GPC5: variants seen among roughly 807,000 people sequenced by gnomAD.
GPC5 encodes glypican-5.
In GPC5, 47 loss-of-function variants were observed where a neutral mutation model predicts 53.9. The ratio of observed to expected loss-of-function variants is 0.87; its 90% CI spans 0.69 to 1.11. The LOEUF is 1.11. GPC5 is among the 50% of genes most tolerant of loss of function. The probability of loss-of-function intolerance (pLI) is 0.00; values close to 1 mark genes in which losing one functional copy is unlikely to be tolerated. For synonymous variants in GPC5, 286 were observed against 263.3 expected (o/e 1.09, Z -0.84); for missense variants, 748 against 713.1 (o/e 1.05, Z -0.56).
intron 7 of GPC5, among the ~76,000 whole-genome samples, chr13:92,328,467 A>C (rs929615180): frequency 6.6e-6 from 1 of 152,214 alleles, no homozygotes; most frequent in African/African-American, 2.4e-5. Flanking sequence ...TATTAGGAAA[A>C]GTATCAATCA....
At chr13:92,246,200 G>A (rs1487094770) in intron 7 of GPC5, among the ~76,000 whole-genome samples, 2 of 151,894 alleles carry the variant, frequency 1.3e-5, no homozygotes, top group Non-Finnish European at 2.9e-5. Context: ...AAATTTAAAC[G>A]GCATCCTTCA....
At chr13:91,448,388 A>G (rs1353560884) in intron 1 of GPC5, among the ~76,000 whole-genome samples, 1 of 152,238 alleles carries the variant, frequency 6.6e-6, no homozygotes, top group East Asian at 1.9e-4. Context: ...TTTAGTCCAC[A>G]TAATTATCTA....
rs1162379399 is a variant in GPC5 at position 92,074,651 on chromosome 13, G to T, written c.1402-70179G>T. 2.0e-5 allele frequency among the ~76,000 whole-genome samples: 3 copies of T among 152,278 alleles called. No homozygotes were observed. In the East Asian group the frequency reaches 5.8e-4, roughly 29 times the overall value. On this transcript the variant is annotated intron_variant, in intron 6 of 7. Coordinates refer to ENST00000377067, the MANE Select transcript of GPC5 (RefSeq NM_004466.6). ...GTTCTTGATTTTCCTGAATTATTGA[G>T]TATCGTGAGACAATGACCCATCTTA...
At chr13:92,723,140 G>C (rs1018551946) in intron 7 of GPC5, among the ~76,000 whole-genome samples, 1 of 151,552 alleles carries the variant, frequency 6.6e-6, no homozygotes, top group Non-Finnish European at 1.5e-5. Flanking sequence ...CCTACCTTGA[G>C]AGATGACAGG....
At chr13:91,606,124 G>A (rs1486411959) in intron 2 of GPC5, among the ~76,000 whole-genome samples, 57 of 137,358 alleles carry the variant, frequency 4.1e-4, no homozygotes, top group Middle Eastern at 3.6e-3. Flanking sequence ...TTTGAAATAC[G>A]TCCCATCAAT....
At chr13:92,771,460 A>C (rs1875613230) in intron 7 of GPC5, among the ~76,000 whole-genome samples, 1 of 152,084 alleles carries the variant, frequency 6.6e-6, no homozygotes, top group Non-Finnish European at 1.5e-5. Flanking sequence ...TCTATGCCTC[A>C]GTCTCCGGAG....
At chr13:92,295,037 C>G (rs2043025042) in intron 7 of GPC5, among the ~76,000 whole-genome samples, 2 of 151,958 alleles carry the variant, frequency 1.3e-5, no homozygotes, top group Middle Eastern at 3.4e-3. Context: ...ACCATGTTGG[C>G]CAGGCTGGTC....
intron 7 of GPC5, among the ~76,000 whole-genome samples, chr13:92,622,481 G>A (rs568846066): frequency 1.2e-4 from 19 of 152,040 alleles, no homozygotes; most frequent in Non-Finnish European, 2.1e-4. Flanking sequence ...CTAGGACCTC[G>A]AATGTTGTGC....
intron 7 of GPC5, among the ~76,000 whole-genome samples, chr13:92,696,161 T>G (rs534556885): frequency 1.3e-5 from 2 of 152,320 alleles, no homozygotes; most frequent in African/African-American, 2.4e-5. Context: ...TTAACATACG[T>G]GTGCATGTGT....
rs150495987 is a variant in GPC5 at position 91,783,029 on chromosome 13, G to A, written c.1280+26609G>A. Among the ~76,000 whole-genome samples, 597 of 151,906 alleles carry A rather than the reference G, an allele frequency of 3.9e-3. 4 individuals are homozygous for A. Among genetic ancestry groups the A allele is most frequent in the Admixed American group, 7.3e-3 (112 of 15,244 alleles). On this transcript the variant is annotated intron_variant, in intron 5 of 7. Transcript: ENST00000377067. ...CTTGAATTATAAATATACAATTTCGGATCACCTGAGGTCAAGAGTTCGAGA... is the reference window on the plus strand; with the variant it reads ...CTTGAATTATAAATATACAATTTCGAATCACCTGAGGTCAAGAGTTCGAGA...
chr13:92,601,505 A>G (rs1045465233), intron 7 of GPC5, among the ~76,000 whole-genome samples: 1 of 150,538 alleles, frequency 6.6e-6, no homozygotes, highest in Non-Finnish European at 1.5e-5. Context: ...CAGGGAGCCA[A>G]TATCACACCA....
Position 92,176,638 on chromosome 13 carries a change from C to T in GPC5, c.1561+31649C>T, listed in dbSNP as rs144155922. On this transcript the variant is annotated intron_variant, in intron 7 of 7. Coordinates refer to ENST00000377067, the MANE Select transcript of GPC5 (RefSeq NM_004466.6). ...TTTAGATTTCTAAGACCTCCCTTTC[C>T]GTTTCTCTCCATCTGACCTCCAACC... 3.0e-4 allele frequency among the ~76,000 whole-genome samples: 45 copies of T among 152,248 alleles called. 1 individual carries two copies. The East Asian group carries it at 7.7e-3, about 26-fold the overall frequency.
rs530346036 is a variant in GPC5 at position 92,393,240 on chromosome 13, T to C, written c.1561+248251T>C. Among the ~76,000 whole-genome samples, 4 of 152,216 alleles carry C rather than the reference T, an allele frequency of 2.6e-5. No individual in the cohort carries two copies. In the South Asian group the frequency reaches 8.3e-4, roughly 32 times the overall value. ...AGCCATAAAAAAGAATGAGATCATG[T>C]CTTGCAGAAATATAGTTGGAGCTGG... is the stretch of plus-strand genomic sequence containing the variant. On this transcript the variant is annotated intron_variant, in intron 7 of 7. Transcript: ENST00000377067.
chr13:91,924,986 A>AT (rs1181584170), intron 6 of GPC5, among the ~76,000 whole-genome samples: 6 of 151,756 alleles, frequency 4.0e-5, no homozygotes, highest in Non-Finnish European at 8.8e-5. Flanking sequence ...CGCCCAGCTA[A>AT]TTTTTTGTAC....
chr13:92,695,889 C>T (rs1421090022), intron 7 of GPC5, among the ~76,000 whole-genome samples: 1 of 151,896 alleles, frequency 6.6e-6, no homozygotes, highest in Non-Finnish European at 1.5e-5. Flanking sequence ...GTGTGGTGTT[C>T]CCCTCCCTGT....
chr13:92,413,865 C>A (rs1037467852), intron 7 of GPC5, among the ~76,000 whole-genome samples: 1 of 152,150 alleles, frequency 6.6e-6, no homozygotes, highest in Non-Finnish European at 1.5e-5. Flanking sequence ...ACACTTAGGG[C>A]TCCTCACTTT....
intron 6 of GPC5, among the ~76,000 whole-genome samples, chr13:91,952,390 C>A (rs2040035331): frequency 6.6e-6 from 1 of 152,176 alleles, no homozygotes; most frequent in Non-Finnish European, 1.5e-5. Context: ...AACCTCAAAG[C>A]CAGAGTGTGA....
intron 6 of GPC5, among the ~76,000 whole-genome samples, chr13:92,003,256 A>G (rs9589400): frequency 0.11 from 16,251 of 149,524 alleles, 2,998 homozygotes; most frequent in African/African-American, 0.38. Context: ...GGGAAGCGGC[A>G]GTTGGAGTGA....
chr13:91,910,836 C>T (rs1472750197), intron 6 of GPC5, among the ~76,000 whole-genome samples: 3 of 152,144 alleles, frequency 2.0e-5, no homozygotes, highest in African/African-American at 7.2e-5. Context: ...AGACACAACC[C>T]TGCTCTCATG....
Sources: gnomAD v4.1 joint callset for allele counts (sites outside exome capture counted in the v4.1 genomes callset) on GRCh38, gnomAD v4.1.1 for gene constraint, MANE v1.5 for transcripts, NCBI Gene and HGNC (gene_info 2026-07-23, HGNC 2026-07-21) for gene names.